Variants in DUSP8 observed in about 807,000 individuals in gnomAD.
DUSP8 encodes the protein dual specificity phosphatase 8.
A neutral mutation model predicts 38.7 loss-of-function variants in DUSP8; 15 were observed. That is an observed-to-expected ratio of 0.39 (90% CI 0.26 to 0.60). DUSP8 has a LOEUF of 0.60. Among genes scored for constraint, DUSP8 ranks in the 20% least tolerant of loss-of-function variants. DUSP8 has a pLI of 0.56. For synonymous variants in DUSP8, 458 were observed against 433.9 expected, an observed-to-expected ratio of 1.06 and a Z score of -0.69; for missense variants, 768 against 915.0, an observed-to-expected ratio of 0.84 and a Z score of 2.07.
chr11:1,561,197 A>G (rs1206132314), intron 3 of DUSP8, among the ~76,000 whole-genome samples: 1 of 151,932 alleles, frequency 6.6e-6, no homozygotes, highest in African/African-American at 2.4e-5. Context: ...CCCTACCCCC[A>G]GGCATCTCCA....
At chr11:1,563,549 G>A (rs372397309) in intron 3 of DUSP8, among the ~76,000 whole-genome samples, 7 of 152,304 alleles carry the variant, frequency 4.6e-5, no homozygotes, top group African/African-American at 1.7e-4. Flanking sequence ...CCAGAGGATG[G>A]GGCCTCTGCC....
chr11:1,557,532 G>A lies in DUSP8; in HGVS notation c.864C>T (p.Asn288=). ...CGTACTCCAGCAGCTGGCCCAGGAA[G>A]TTGAAGTTGGGCGAGATGGACGGGC... The part of the protein sequence containing the change: ...DRRPSISPNF[N]FLGQLLEYER... The change falls in exon 7 of 7, where the codon AAC becomes AAT. Residue 288 remains asparagine, a synonymous_variant. Transcript: ENST00000397374. This position sits in a 1 kb window ranked among gnomAD's most constrained non-coding sequence, Gnocchi z 9.9. The A allele has an allele frequency of 6.3e-7, 1 of 1,592,128 alleles. No homozygotes were observed. Among genetic ancestry groups the A allele is most frequent in the Non-Finnish European group, 8.5e-7 (1 of 1,177,224 alleles).
chr11:1,557,309 T>C lies in DUSP8; in HGVS notation c.1087A>G (p.Thr363Ala), dbSNP rs1848649046. ...SAGGEPPAPP[T>A]PPATSALQQG... ...TGCAGTGCGCTGGTCGCCGGGGGCG[T>C]GGGGGGCGCGGGGGGCTCCCCGCCC... Residue 363 changes from threonine (T) to alanine (A), a missense_variant, in exon 7 of 7, where the codon ACG becomes GCG. Coordinates refer to ENST00000397374, the MANE Select transcript of DUSP8 (RefSeq NM_004420.3). This position sits in a 1 kb window ranked among gnomAD's most constrained non-coding sequence, Gnocchi z 9.9. 6.8e-7 allele frequency: 1 copy of C among 1,473,166 alleles called. No individual in the cohort carries two copies. The highest frequency in any genetic ancestry group is 2.6e-5 in the Admixed American group (1 of 37,776). 91.3% of individuals were successfully genotyped at this position (1,473,166 alleles called of 1,614,324 possible). A position where few individuals can be genotyped will look rare whatever the true frequency, so the allele number is the denominator to read the frequency against.
rs376750481 is a variant in DUSP8, at chr11:1,559,375, C to T, written c.371-320G>A. On this transcript the variant is annotated intron_variant, in intron 3 of 6. Coordinates refer to ENST00000397374, the MANE Select transcript of DUSP8 (RefSeq NM_004420.3). ...TGAGGTGGCTGGCCATCACGGCACG[C>T]GCTGGGCCCAGGCAGGGGTGGGCTC... 7.0e-5 allele frequency: 26 copies of T among 373,610 alleles called. 2 individuals are homozygous for T. The highest frequency in any genetic ancestry group is 4.0e-4 in the African/African-American group (19 of 47,560). The allele number at this position is 373,610 out of a possible 1,614,324, so 23.1% of individuals were successfully genotyped here. A position where few individuals can be genotyped will look rare whatever the true frequency, so the allele number is the denominator to read the frequency against.
chr11:1,568,393 G>A (rs944742668), intron 1 of DUSP8, among the ~76,000 whole-genome samples: 1 of 151,926 alleles, frequency 6.6e-6, no homozygotes, highest in African/African-American at 2.4e-5. Flanking sequence ...GCGGGAGGAC[G>A]GGTCCTGGCC....
At position 1,558,783 on chromosome 11, in the gene DUSP8, G is replaced by T; in HGVS notation, c.537+106C>A. 7.4e-7 allele frequency: 1 copy of T among 1,359,588 alleles called. No individual in the cohort carries two copies. The highest frequency in any genetic ancestry group is 1.4e-5 in the South Asian group (1 of 69,920). The allele number at this position is 1,359,588 out of a possible 1,614,324, so 84.2% of individuals were successfully genotyped here. A position where few individuals can be genotyped will look rare whatever the true frequency, so the allele number is the denominator to read the frequency against. ...TTCTCCCACACCCAGCTCATCCACT[G>T]CCTTCAGCTCCTTTCCTCCCTCATC... On this transcript the variant is annotated intron_variant, in intron 4 of 6. Coordinates refer to ENST00000397374, the MANE Select transcript of DUSP8 (RefSeq NM_004420.3). The surrounding 1 kb of genome is among the most constrained non-coding windows in gnomAD (Gnocchi z 6.3).
rs1474617734 is a variant in DUSP8 at position 1,557,315 on chromosome 11, G to A, written c.1081C>T (p.Pro361Ser). ...GLSAGGEPPA[P>S]PTPPATSALQ... Reference sequence around the variant, plus strand: ...GCGCTGGTCGCCGGGGGCGTGGGGGGCGCGGGGGGCTCCCCGCCCGCGCTC... The same window carrying A: ...GCGCTGGTCGCCGGGGGCGTGGGGGACGCGGGGGGCTCCCCGCCCGCGCTC... Residue 361 changes from proline to serine, a missense_variant, in exon 7 of 7, where the codon CCC becomes TCC. Around this residue, in one of 3 missense-constraint regions of DUSP8, gnomAD observed 474 missense variants for 430.8 expected, o/e 1.10. Coordinates refer to ENST00000397374, the MANE Select transcript of DUSP8 (RefSeq NM_004420.3). The surrounding 1 kb of genome is among the most constrained non-coding windows in gnomAD (Gnocchi z 9.9). The A allele has an allele frequency of 8.7e-6, 13 of 1,486,914 alleles. No individual in the cohort carries two copies. The Admixed American group carries it at 2.2e-4, about 26-fold the overall frequency. The allele number at this position is 1,486,914 out of a possible 1,614,324, so 92.1% of individuals were successfully genotyped here. A position where few individuals can be genotyped will look rare whatever the true frequency, so the allele number is the denominator to read the frequency against.
At chr11:1,566,032 G>C (rs1484307332) in intron 1 of DUSP8, 98 bp from the exon 2 acceptor site, 1 of 574,550 alleles carries the variant, frequency 1.7e-6, no homozygotes, top group African/African-American at 1.9e-5. Context: ...CGCCCACCAG[G>C]ACACACCAAC....
chr11:1,562,685 G>A (rs568813225), intron 3 of DUSP8, among the ~76,000 whole-genome samples: 101 of 110,040 alleles, frequency 9.2e-4, no homozygotes, highest in Middle Eastern at 4.6e-3. Context: ...ATACATGCAT[G>A]CACATGCACA....
chr11:1,560,595 G>C (rs1338363597), intron 3 of DUSP8, among the ~76,000 whole-genome samples: 1 of 152,228 alleles, frequency 6.6e-6, no homozygotes. Context: ...CCTGCTGACT[G>C]GACAGGGGAA....
intron 1 of DUSP8, 67 bp downstream of exon 1, chr11:1,571,834 C>T (rs1047250160): frequency 4.7e-5 from 7 of 148,152 alleles, no homozygotes; most frequent in African/African-American, 1.7e-4. Context: ...CGCCCTCCGC[C>T]CCCCGGCCCG....
In DUSP8 at chr11:1,556,547, C is replaced by T. The variant is rs1255626006; in HGVS notation, c.1849G>A (p.Gly617Ser). The change falls in exon 7 of 7, where the codon GGC (glycine) becomes AGC (serine). Residue 617 changes from glycine (G) to serine (S), a missense_variant. Transcript: ENST00000397374. This position sits in a 1 kb window ranked among gnomAD's most constrained non-coding sequence, Gnocchi z 5.2. ...GACACCTCGATGACCTCCACGCTGC[C>T]CGAGAAGCTCGCCTGCTTGCCCAGG... Reference protein sequence around the residue: ...AALGKQASFSGSVEVIEVS With the variant: ...AALGKQASFSSSVEVIEVS 2 of 1,390,276 alleles carry T rather than the reference C, an allele frequency of 1.4e-6. No individual in the cohort carries two copies. The highest frequency in any genetic ancestry group is 1.6e-5 in the South Asian group (1 of 63,048). The allele number at this position is 1,390,276 out of a possible 1,614,324, so 86.1% of individuals were successfully genotyped here. A position where few individuals can be genotyped will look rare whatever the true frequency, so the allele number is the denominator to read the frequency against.
Position 1,558,892 on chromosome 11 carries a change from G to A in DUSP8, c.534C>T (p.Asn178=). 2 of 1,609,340 alleles carry A rather than the reference G, an allele frequency of 1.2e-6. No individual in the cohort carries two copies. The highest frequency in any genetic ancestry group is 1.7e-6 in the Non-Finnish European group (2 of 1,177,218). ...CCGAACTCCACTGCACACACACCTTGTTTAGGACGTCCTTCTGCGAGCCCA... is the reference window on the plus strand; with the variant it reads ...CCGAACTCCACTGCACACACACCTTATTTAGGACGTCCTTCTGCGAGCCCA... The part of the protein sequence containing the change: ...LYLGSQKDVL[N]KDLMTQNGIS... Residue 178 remains asparagine (N), a synonymous_variant, in exon 4 of 7, where the codon AAC becomes AAT. Coordinates refer to ENST00000397374, the MANE Select transcript of DUSP8 (RefSeq NM_004420.3). This position sits in a 1 kb window ranked among gnomAD's most constrained non-coding sequence, Gnocchi z 6.3.
intron 1 of DUSP8, chr11:1,571,323 G>A (rs1564939148): frequency 6.6e-6 from 1 of 152,260 alleles, no homozygotes; most frequent in African/African-American, 2.4e-5. Flanking sequence ...ATCCCTCAGG[G>A]GCCGGCTGGG....
chr11:1,564,773 A>G (rs1848776437), intron 2 of DUSP8, among the ~76,000 whole-genome samples: 1 of 152,094 alleles, frequency 6.6e-6, no homozygotes, highest in Admixed American at 6.5e-5. Flanking sequence ...CTTGTTGGAA[A>G]CCAAAGGGAG....
Position 1,558,138 on chromosome 11 carries a change from C to G in DUSP8, c.671G>C (p.Trp224Ser). 1 of 1,611,888 alleles carries G rather than the reference C, an allele frequency of 6.2e-7. No individual in the cohort carries two copies. Among genetic ancestry groups the G allele is most frequent in the Non-Finnish European group, 8.5e-7 (1 of 1,179,836 alleles). Reference protein sequence around the residue: ...NDNYCEKLLPWLDKSIEFIDK... With the variant: ...NDNYCEKLLPSLDKSIEFIDK... ...GATGAACTCGATGGACTTGTCCAGC[C>G]AGGGCAGCAGTTTTTCACAGTAGTT... Residue 224 changes from tryptophan to serine, a missense_variant, in exon 5 of 7, where the codon TGG (tryptophan) becomes TCG (serine). Transcript: ENST00000397374. This position sits in a 1 kb window ranked among gnomAD's most constrained non-coding sequence, Gnocchi z 6.3.
At chr11:1,559,924 C>T (rs1848692476) in intron 3 of DUSP8, among the ~76,000 whole-genome samples, 2 of 152,190 alleles carry the variant, frequency 1.3e-5, no homozygotes, top group African/African-American at 4.8e-5. Flanking sequence ...CACCATGGCT[C>T]TGGTCTCAGC....
At chr11:1,570,288 G>A (rs1216509690) in intron 1 of DUSP8, among the ~76,000 whole-genome samples, 4 of 152,136 alleles carry the variant, frequency 2.6e-5, no homozygotes, top group African/African-American at 9.7e-5. Flanking sequence ...CCAGTGTGGC[G>A]CTTCCAAGGT....
chr11:1,562,702 C>T, intron 3 of DUSP8, among the ~76,000 whole-genome samples: 1 of 152,008 alleles, frequency 6.6e-6, no homozygotes, highest in East Asian at 1.9e-4. Context: ...CACACACACA[C>T]ATACATGCAC....
Sources: allele counts gnomAD v4.1 joint callset (sites outside exome capture counted in the v4.1 genomes callset), GRCh38; gene constraint gnomAD v4.1.1; regional missense constraint gnomAD v4.1.1; non-coding constraint Gnocchi (gnomAD v3.1); transcripts MANE v1.5; gene names NCBI Gene and HGNC (gene_info 2026-07-23, HGNC 2026-07-21).